CAMK2B: variants seen among roughly 807,000 people sequenced by gnomAD.
CAMK2B encodes calcium/calmodulin dependent protein kinase II beta, also known as calcium/calmodulin-dependent protein kinase type II subunit beta.
In CAMK2B, 27 loss-of-function variants were observed where a neutral mutation model predicts 93.7. The ratio of observed to expected loss-of-function variants is 0.29; its 90% confidence interval spans 0.21 to 0.40. CAMK2B has a LOEUF of 0.40. CAMK2B is among the 10% of genes least tolerant of loss of function. The pLI is 1.00. For missense variants in CAMK2B, 568 were observed against 895.8 expected, an observed-to-expected ratio of 0.63 and a Z score of 4.67; for synonymous variants, 374 against 358.8, an observed-to-expected ratio of 1.04 and a Z score of -0.48.
chr7:44,263,870 C>A (rs2096901456), intron 2 of CAMK2B: 1 of 154,596 alleles, frequency 6.5e-6, no homozygotes, highest in Non-Finnish European at 1.5e-5. Context: ...AAGCCCTCTG[C>A]CAACCCCCAC....
At chr7:44,252,468 G>T (rs1338097202) in intron 5 of CAMK2B, among the ~76,000 whole-genome samples, 1 of 150,924 alleles carries the variant, frequency 6.6e-6, no homozygotes, top group East Asian at 2.0e-4. Flanking sequence ...GAGGGGCAGG[G>T]GAGAGGGCTG....
chr7:44,230,309 C>G (rs987350093), intron 17 of CAMK2B: 4 of 152,414 alleles, frequency 2.6e-5, no homozygotes, highest in African/African-American at 9.7e-5. Flanking sequence ...AGTTTTCTCC[C>G]CTAAACTGGC....
rs141408788 is a variant in CAMK2B, at chr7:44,323,642, G to C, written c.65+1715C>G. On this transcript the variant is annotated intron_variant, in intron 1 of 23. Coordinates refer to ENST00000395749, the MANE Select transcript of CAMK2B (RefSeq NM_001220.5). ...AGTCTGAGGACACTGGGTGCACATG[G>C]GGAGGTCTTGAAAGTGGCTTCTTTG... Among the ~76,000 whole-genome samples the C allele has an allele frequency of 3.6e-3, 544 of 152,342 alleles. 5 individuals are homozygous for C. Among genetic ancestry groups the C allele is most frequent in the African/African-American group, 0.012 (514 of 41,570 alleles).
chr7:44,241,828 A>T, intron 10 of CAMK2B, 45 bp from the exon 11 acceptor site: 2 of 1,510,178 alleles, frequency 1.3e-6, no homozygotes, highest in Non-Finnish European at 9.2e-7. Context: ...CCCGAGGCAC[A>T]GGGGAGAGGC....
intron 4 of CAMK2B, among the ~76,000 whole-genome samples, chr7:44,257,099 C>CTGA (rs2096840682): frequency 6.6e-6 from 1 of 152,194 alleles, no homozygotes; most frequent in African/African-American, 2.4e-5. Flanking sequence ...AGGCCTGGTT[C>CTGA]TCAAGCCCTG....
intron 20 of CAMK2B, among the ~76,000 whole-genome samples, chr7:44,222,066 G>A (rs62459090): frequency 0.048 from 7,247 of 152,232 alleles, 225 homozygotes; most frequent in East Asian, 0.087. Flanking sequence ...ACGCAGGCAC[G>A]CACATACATG....
rs762180691 is a variant in CAMK2B at position 44,242,599 on chromosome 7, C to T, written c.657G>A (p.Gln219=). The T allele has an allele frequency of 3.7e-6, 6 of 1,612,200 alleles. No individual in the cohort carries two copies. In the East Asian group the frequency reaches 8.9e-5, roughly 24 times the overall value. ...VGYPPFWDED[Q]HKLYQQIKAG... is the part of the protein sequence containing the mutation. ...CCTTGATCTGCTGGTACAGCTTGTG[C>T]TGGTCCTCGTCCCAGAAGGGTGGGT... The change falls in exon 9 of 24, where the codon CAG becomes CAA. Residue 219 remains glutamine (Q), a synonymous_variant. Transcript: ENST00000395749.
chr7:44,235,684 A>G (rs978353882), intron 13 of CAMK2B, among the ~76,000 whole-genome samples: 3 of 152,174 alleles, frequency 2.0e-5, no homozygotes, highest in Non-Finnish European at 4.4e-5. Flanking sequence ...CACCAAAAAG[A>G]GCCAGGGCCA....
chr7:44,245,339 T>G (rs1182339838), intron 6 of CAMK2B, among the ~76,000 whole-genome samples: 2 of 152,128 alleles, frequency 1.3e-5, no homozygotes, highest in South Asian at 2.1e-4. Flanking sequence ...ACCCCACTAC[T>G]CTGCTGCTTC....
intron 1 of CAMK2B, among the ~76,000 whole-genome samples, chr7:44,291,660 C>G (rs1168438197): frequency 6.6e-6 from 1 of 152,240 alleles, no homozygotes; most frequent in Non-Finnish European, 1.5e-5. Context: ...CATATACTCA[C>G]TTATAGGAAA....
intron 2 of CAMK2B, among the ~76,000 whole-genome samples, chr7:44,280,838 T>G (rs1488897233): frequency 6.6e-6 from 1 of 152,124 alleles, no homozygotes; most frequent in Non-Finnish European, 1.5e-5. Context: ...AACTCCACTT[T>G]CAGGCTCAGA....
intron 1 of CAMK2B, among the ~76,000 whole-genome samples, chr7:44,305,123 C>T (rs1053369435): frequency 6.6e-6 from 1 of 152,182 alleles, no homozygotes; most frequent in Admixed American, 6.5e-5. Flanking sequence ...AAGTCTTCCC[C>T]TGGAGCTGTC....
In CAMK2B at chr7:44,271,307, A is replaced by T. The variant is rs1176183053; in HGVS notation, c.161-8243T>A. ...GCCTGGTACCAACACACTTAACTCA[A>T]GCGTCCCAATTCACTTCAAGGCTAA... On this transcript the variant is annotated intron_variant, in intron 2 of 23. Coordinates refer to ENST00000395749, the MANE Select transcript of CAMK2B (RefSeq NM_001220.5). This position sits in a 1 kb window ranked among gnomAD's most constrained non-coding sequence, Gnocchi z 4.2. 1.3e-5 allele frequency among the ~76,000 whole-genome samples: 2 copies of T among 152,174 alleles called. No individual in the cohort carries two copies. The highest frequency in any genetic ancestry group is 4.8e-5 in the African/African-American group (2 of 41,432).
rs1793769024 is a variant in CAMK2B at position 44,312,330 on chromosome 7, A to G, written c.65+13027T>C. On this transcript the variant is annotated intron_variant, in intron 1 of 23. Coordinates refer to ENST00000395749, the MANE Select transcript of CAMK2B (RefSeq NM_001220.5). The surrounding 1 kb of genome is among the most constrained non-coding windows in gnomAD (Gnocchi z 4.1). ...TGGGAGGGTGGGGCAGAGACCCAGA[A>G]GTGCCTGTGACACTCTCAGGGGCTG... is the stretch of plus-strand genomic sequence containing the variant. 6.6e-6 allele frequency among the ~76,000 whole-genome samples: 1 copy of G among 152,210 alleles called. No homozygotes were observed. The highest frequency in any genetic ancestry group is 2.1e-4 in the South Asian group (1 of 4,832).
chr7:44,275,920 C>T (rs924793911), intron 2 of CAMK2B, among the ~76,000 whole-genome samples: 1 of 150,564 alleles, frequency 6.6e-6, no homozygotes, highest in Non-Finnish European at 1.5e-5. Flanking sequence ...GGGGAGGGGG[C>T]GTTTCCCAGG....
At chr7:44,231,827 G>T (rs918990410) in intron 16 of CAMK2B, among the ~76,000 whole-genome samples, 16 of 152,212 alleles carry the variant, frequency 1.1e-4, no homozygotes, top group African/African-American at 3.9e-4. Context: ...AGGTCCCCAG[G>T]AGGCCTGCTC....
At chr7:44,295,652 T>C (rs62459119) in intron 1 of CAMK2B, among the ~76,000 whole-genome samples, 45,395 of 152,200 alleles carry the variant, frequency 0.3, 8,232 homozygotes, top group Non-Finnish European at 0.41. Context: ...CAGCGAAGAC[T>C]GGAGGAAAAC....
At chr7:44,290,314 C>T (rs1430317941) in intron 1 of CAMK2B, among the ~76,000 whole-genome samples, 13 of 152,270 alleles carry the variant, frequency 8.5e-5, no homozygotes, top group Admixed American at 5.9e-4. Flanking sequence ...GCTCCCCACG[C>T]GGGCCAGGCG....
rs1202178755 is a variant in CAMK2B at position 44,220,646 on chromosome 7, T to C, written c.1738A>G (p.Met580Val). The C allele has an allele frequency of 1.2e-6, 2 of 1,613,604 alleles. No individual in the cohort carries two copies. The highest frequency in any genetic ancestry group is 1.7e-6 in the Non-Finnish European group (2 of 1,179,948). The change falls in exon 22 of 24, where the codon ATG becomes GTG. Residue 580 changes from methionine (M) to valine (V), a missense_variant. Around this residue, in one of 4 missense-constraint regions of CAMK2B, gnomAD observed 116 missense variants for 188.0 expected, o/e 0.62. Transcript: ENST00000395749. ...PEALGNLVEGMDFHRFYFENL... is the reference protein window; with the variant it reads ...PEALGNLVEGVDFHRFYFENL... Reference sequence around the variant, plus strand: ...TCGAAGTAGAATCTGTGGAAGTCCATCCCTTCAACCAGGTTGCCCAGTGCT... The same window carrying C: ...TCGAAGTAGAATCTGTGGAAGTCCACCCCTTCAACCAGGTTGCCCAGTGCT...
Sources: gnomAD v4.1 joint callset for allele counts (sites outside exome capture counted in the v4.1 genomes callset) on GRCh38, gnomAD v4.1.1 for gene constraint, gnomAD v4.1.1 regional missense constraint, Gnocchi (gnomAD v3.1) non-coding constraint, MANE v1.5 for transcripts, NCBI Gene and HGNC (gene_info 2026-07-23, HGNC 2026-07-21) for gene names.